Variants in PCDHGA10 observed in about 807,000 individuals in gnomAD.
PCDHGA10 encodes the protein protocadherin gamma-A10.
In PCDHGA10, 42 loss-of-function variants were observed where a neutral mutation model predicts 59.5. The observed-to-expected ratio is 0.71, with a 90% CI of 0.55 to 0.91. The LOEUF (loss-of-function observed/expected upper bound fraction) is 0.91, where lower values mean the gene tolerates loss of function less well. PCDHGA10 is among the 40% of genes least tolerant of loss of function. The probability of loss-of-function intolerance (pLI) is 0.00; values close to 1 mark genes in which losing one functional copy is unlikely to be tolerated. For missense variants in PCDHGA10, 1,111 were observed against 1,198.2 expected, an observed-to-expected ratio of 0.93 and a Z score of 1.07; for synonymous variants, 511 against 517.2, an observed-to-expected ratio of 0.99 and a Z score of 0.16.
In PCDHGA10 at chr5:141,423,756, G is replaced by A. The variant is rs544048105; in HGVS notation, c.2436+8145G>A. 1.6e-5 allele frequency: 7 copies of A among 448,620 alleles called. 1 individual carries two copies. Among genetic ancestry groups the A allele is most frequent in the Non-Finnish European group, 2.1e-5 (7 of 329,706 alleles). 27.8% of individuals were successfully genotyped at this position (448,620 alleles called of 1,614,324 possible). A position where few individuals can be genotyped will look rare whatever the true frequency, so the allele number is the denominator to read the frequency against. ...GCCTGTTATGAAAACTGTTTGGGGG[G>A]GGGGTGGGGCGGCATATATTTAGTT... On this transcript the variant is annotated intron_variant, in intron 1 of 3. Coordinates refer to ENST00000398610, the MANE Select transcript of PCDHGA10 (RefSeq NM_018913.3).
Position 141,436,609 on chromosome 5 carries a change from A to G in PCDHGA10, c.2436+20998A>G, listed in dbSNP as rs182981534. On this transcript the variant is annotated intron_variant, in intron 1 of 3. Coordinates refer to ENST00000398610, the MANE Select transcript of PCDHGA10 (RefSeq NM_018913.3). ...AAAGGTCGTGGTGATGGCTAGGGCT[A>G]ACAAAAATCTGATTCACAACATGCA... Among the ~76,000 whole-genome samples, 5 of 152,334 alleles carry G rather than the reference A, an allele frequency of 3.3e-5. No homozygotes were observed. The East Asian group carries it at 5.8e-4, about 18-fold the overall frequency.
Position 141,477,514 on chromosome 5 carries a change from T to G in PCDHGA10, c.2437-17293T>G. 1 of 1,614,114 alleles carries G rather than the reference T, an allele frequency of 6.2e-7. No individual in the cohort carries two copies. Among genetic ancestry groups the G allele is most frequent in the Non-Finnish European group, 8.5e-7 (1 of 1,180,026 alleles). On this transcript the variant is annotated intron_variant, in intron 1 of 3. Coordinates refer to ENST00000398610, the MANE Select transcript of PCDHGA10 (RefSeq NM_018913.3). The surrounding 1 kb of genome is among the most constrained non-coding windows in gnomAD (Gnocchi z 4.9). Reference sequence around the variant, plus strand: ...CTCAATCTTCCTACGACGTTTACATTGAAGAAAACAACCTCCCCGGGGCTC... The same window carrying G: ...CTCAATCTTCCTACGACGTTTACATGGAAGAAAACAACCTCCCCGGGGCTC...
chr5:141,432,686 G>A lies in PCDHGA10; in HGVS notation c.2436+17075G>A. On this transcript the variant is annotated intron_variant, in intron 1 of 3. Transcript: ENST00000398610. The surrounding 1 kb of genome is among the most constrained non-coding windows in gnomAD (Gnocchi z 6.0). The stretch of plus-strand genomic sequence containing the variant: ...CAGAGACGCGCTCAAGCAGAGCCTC[G>A]TAGTGGCCGTCCAGGACCACGGCCA... 2 of 1,613,922 alleles carry A rather than the reference G, an allele frequency of 1.2e-6. No homozygotes were observed. The highest frequency in any genetic ancestry group is 1.7e-5 in the Admixed American group (1 of 60,020).
In PCDHGA10 at chr5:141,477,250, C is replaced by G; in HGVS notation, c.2437-17557C>G. 6.2e-7 allele frequency: 1 copy of G among 1,614,190 alleles called. No homozygotes were observed. The highest frequency in any genetic ancestry group is 8.5e-7 in the Non-Finnish European group (1 of 1,180,040). On this transcript the variant is annotated intron_variant, in intron 1 of 3. Coordinates refer to ENST00000398610, the MANE Select transcript of PCDHGA10 (RefSeq NM_018913.3). The surrounding 1 kb of genome is among the most constrained non-coding windows in gnomAD (Gnocchi z 4.9). ...TCATCGCTTTGCTCAGTGTGACTGA[C>G]CTGGATGCTGGCGAGAACGGGCTGG...
At position 141,459,533 on chromosome 5, in the gene PCDHGA10, A is replaced by AT. The variant is rs956234847; in HGVS notation, c.2437-35266dup. Among the ~76,000 whole-genome samples the AT allele has an allele frequency of 1.2e-4, 18 of 152,018 alleles. No homozygotes were observed. In the South Asian group the frequency reaches 2.3e-3, roughly 19 times the overall value. ...CATGTACAAGTATTTTTGTAGGCAT[A>AT]TTTTTTTTATTTCTCTTGGATAAAT... is the stretch of plus-strand genomic sequence containing the variant. On this transcript the variant is annotated intron_variant, in intron 1 of 3. Transcript: ENST00000398610.
At chr5:141,478,425 A>G (rs1454100826) in intron 1 of PCDHGA10, 1 of 1,613,542 alleles carries the variant, frequency 6.2e-7, no homozygotes, top group African/African-American at 1.3e-5. Context: ...CGCCGCAGCG[A>G]CCCGCTGCTG....
Position 141,490,446 on chromosome 5 carries a change from C to T in PCDHGA10, c.2437-4361C>T, listed in dbSNP as rs779502898. 2.5e-6 allele frequency: 4 copies of T among 1,614,196 alleles called. No homozygotes were observed. The highest frequency in any genetic ancestry group is 3.4e-6 in the Non-Finnish European group (4 of 1,180,016). ...CATTTCAGATTAAGCCTTCTGAGAA[C>T]CACTACTCGCTGCTAACCAGCCAGC... On this transcript the variant is annotated intron_variant, in intron 1 of 3. Coordinates refer to ENST00000398610, the MANE Select transcript of PCDHGA10 (RefSeq NM_018913.3). The surrounding 1 kb of genome is among the most constrained non-coding windows in gnomAD (Gnocchi z 5.4).
chr5:141,498,312 T>C (rs2099783060), intron 2 of PCDHGA10, among the ~76,000 whole-genome samples: 1 of 151,714 alleles, frequency 6.6e-6, no homozygotes, highest in Non-Finnish European at 1.5e-5. Context: ...TCACACTGCC[T>C]ACACAGAAGG....
At position 141,485,069 on chromosome 5, in the gene PCDHGA10, G is replaced by A. The variant is rs1185236732; in HGVS notation, c.2437-9738G>A. 1.1e-6 allele frequency: 1 copy of A among 905,912 alleles called. No homozygotes were observed. Among genetic ancestry groups the A allele is most frequent in the Non-Finnish European group, 1.7e-6 (1 of 577,940 alleles). The allele number at this position is 905,912 out of a possible 1,614,324, so 56.1% of individuals were successfully genotyped here. A position where few individuals can be genotyped will look rare whatever the true frequency, so the allele number is the denominator to read the frequency against. On this transcript the variant is annotated intron_variant, in intron 1 of 3. Coordinates refer to ENST00000398610, the MANE Select transcript of PCDHGA10 (RefSeq NM_018913.3). This position sits in a 1 kb window ranked among gnomAD's most constrained non-coding sequence, Gnocchi z 5.7. ...GCGCCGGCCGAACCGCGCCAGAGCTGGCGCGGGGAAAGGGAGATAGGTGTC... is the reference window on the plus strand; with the variant it reads ...GCGCCGGCCGAACCGCGCCAGAGCTAGCGCGGGGAAAGGGAGATAGGTGTC...
intron 1 of PCDHGA10, among the ~76,000 whole-genome samples, chr5:141,437,588 A>G (rs1399641711): frequency 6.6e-6 from 1 of 152,134 alleles, no homozygotes; most frequent in African/African-American, 2.4e-5. Context: ...CATGAATTGG[A>G]TAGTTCTGGT....
In PCDHGA10 at chr5:141,413,931, A is replaced by T. The variant is rs776911095; in HGVS notation, c.756A>T (p.Arg252=). The T allele has an allele frequency of 6.2e-7, 1 of 1,613,254 alleles. No individual in the cohort carries two copies. The highest frequency in any genetic ancestry group is 8.5e-7 in the Non-Finnish European group (1 of 1,179,864). ...NAPVFTLPEY[R]VSVPENLPVG... is the part of the protein sequence containing the mutation. ...CGGTCTTCACCTTGCCAGAATACCG[A>T]GTGAGTGTTCCTGAGAATTTGCCTG... is the stretch of plus-strand genomic sequence containing the variant. The change falls in exon 1 of 4, where the codon CGA becomes CGT. Residue 252 remains arginine, a synonymous_variant. Coordinates refer to ENST00000398610, the MANE Select transcript of PCDHGA10 (RefSeq NM_018913.3).
In PCDHGA10 at chr5:141,414,950, TGACCAA is replaced by T. The variant is rs778670321; in HGVS notation, c.1777_1782del (p.Thr593_Lys594del). Reference sequence around the variant, plus strand: ...CGCTCCGCAGAGCCCGGCTACCTGGTGACCAAGGTGGTGGCGGTGGACAGAGACTCC... The same window carrying T: ...CGCTCCGCAGAGCCCGGCTACCTGGTGGTGGTGGCGGTGGACAGAGACTCC... On this transcript the variant is annotated inframe_deletion, in exon 1 of 4. Coordinates refer to ENST00000398610, the MANE Select transcript of PCDHGA10 (RefSeq NM_018913.3). The T allele has an allele frequency of 6.2e-7, 1 of 1,614,030 alleles. No homozygotes were observed. Among genetic ancestry groups the T allele is most frequent in the South Asian group, 1.1e-5 (1 of 91,080 alleles).
rs1332743231 is a variant in PCDHGA10 at position 141,432,967 on chromosome 5, G to A, written c.2436+17356G>A. 4 of 1,614,192 alleles carry A rather than the reference G, an allele frequency of 2.5e-6. No homozygotes were observed. In the East Asian group the frequency reaches 6.7e-5, roughly 27 times the overall value. On this transcript the variant is annotated intron_variant, in intron 1 of 3. Coordinates refer to ENST00000398610, the MANE Select transcript of PCDHGA10 (RefSeq NM_018913.3). The surrounding 1 kb of genome is among the most constrained non-coding windows in gnomAD (Gnocchi z 6.0). The stretch of plus-strand genomic sequence containing the variant: ...CAGGAGGCGGCTTGACAGGAGCGCC[G>A]GCGTCGCACTTTGTGGGCGTGGACG...
At position 141,413,207 on chromosome 5, in the gene PCDHGA10, C is replaced by T. The variant is rs563279284; in HGVS notation, c.32C>T (p.Ser11Leu). The T allele has an allele frequency of 4.7e-5, 76 of 1,612,874 alleles. 2 individuals carry two copies. The South Asian group carries it at 7.6e-4, about 16-fold the overall frequency. Reference protein sequence around the residue: MAAQRNRSKESKDCSGLVLLC... With the variant: MAAQRNRSKELKDCSGLVLLC... ...GCTCAAAGGAATCGCTCAAAGGAAT[C>T]AAAGGATTGCAGCGGGCTGGTCCTG... The change falls in exon 1 of 4, where the codon TCA becomes TTA. Residue 11 changes from serine to leucine, a missense_variant. Coordinates refer to ENST00000398610, the MANE Select transcript of PCDHGA10 (RefSeq NM_018913.3).
At position 141,431,363 on chromosome 5, in the gene PCDHGA10, C is replaced by T. The variant is rs765751691; in HGVS notation, c.2436+15752C>T. On this transcript the variant is annotated intron_variant, in intron 1 of 3. Transcript: ENST00000398610. The surrounding 1 kb of genome is among the most constrained non-coding windows in gnomAD (Gnocchi z 4.8). The stretch of plus-strand genomic sequence containing the variant: ...ATTGGTGCTGAAACGCGCCCTGGAC[C>T]GCGAAGAAAAGGCTGCTCACCACCT... 1 of 1,614,024 alleles carries T rather than the reference C, an allele frequency of 6.2e-7. No homozygotes were observed. The highest frequency in any genetic ancestry group is 2.2e-5 in the East Asian group (1 of 44,882).
rs1419365808 is a variant in PCDHGA10 at position 141,477,321 on chromosome 5, C to G, written c.2437-17486C>G. 1.2e-6 allele frequency: 2 copies of G among 1,614,160 alleles called. No homozygotes were observed. Among genetic ancestry groups the G allele is most frequent in the East Asian group, 4.5e-5 (2 of 44,874 alleles). On this transcript the variant is annotated intron_variant, in intron 1 of 3. Coordinates refer to ENST00000398610, the MANE Select transcript of PCDHGA10 (RefSeq NM_018913.3). The surrounding 1 kb of genome is among the most constrained non-coding windows in gnomAD (Gnocchi z 4.9). Reference sequence around the variant, plus strand: ...GGTCTCCCTTTCAGCCTTACTTCTTCCCTCAAGAATTACTTCACTTTGAAA... The same window carrying G: ...GGTCTCCCTTTCAGCCTTACTTCTTGCCTCAAGAATTACTTCACTTTGAAA...
intron 1 of PCDHGA10, among the ~76,000 whole-genome samples, chr5:141,456,046 C>T (rs759479772): frequency 1.3e-5 from 2 of 151,904 alleles, no homozygotes; most frequent in Non-Finnish European, 2.9e-5. Context: ...TACAGGCGCC[C>T]ACCACCACGT....
chr5:141,498,578 G>T (rs1404493166), intron 2 of PCDHGA10, among the ~76,000 whole-genome samples: 1 of 152,048 alleles, frequency 6.6e-6, no homozygotes, highest in African/African-American at 2.4e-5. Flanking sequence ...CTAGTATTGA[G>T]TTCTTCAGTA....
chr5:141,415,007 G>C lies in PCDHGA10; in HGVS notation c.1832G>C (p.Arg611Pro). The C allele has an allele frequency of 6.2e-7, 1 of 1,613,654 alleles. No individual in the cohort carries two copies. The highest frequency in any genetic ancestry group is 8.5e-7 in the Non-Finnish European group (1 of 1,180,016). ...GGCCAGAACGCCTGGCTGTCCTACC[G>C]TCTGCTCAAGGCCAGCGAGCCGGGA... The part of the protein sequence containing the change: ...DSGQNAWLSY[R>P]LLKASEPGLF... The change falls in exon 1 of 4, where the codon CGT (arginine) becomes CCT (proline). Residue 611 changes from arginine to proline, a missense_variant. Coordinates refer to ENST00000398610, the MANE Select transcript of PCDHGA10 (RefSeq NM_018913.3).
Sources: gnomAD v4.1 joint callset for allele counts (sites outside exome capture counted in the v4.1 genomes callset) on GRCh38, gnomAD v4.1.1 for gene constraint, Gnocchi (gnomAD v3.1) non-coding constraint, MANE v1.5 for transcripts, NCBI Gene and HGNC (gene_info 2026-07-23, HGNC 2026-07-21) for gene names.